PRKCQ: variants seen among roughly 807,000 people sequenced by gnomAD.
The protein encoded by PRKCQ is protein kinase C theta type.
In PRKCQ, 41 loss-of-function variants were observed where a neutral mutation model predicts 91.2. The ratio of observed to expected loss-of-function variants is 0.45; its 90% CI spans 0.35 to 0.58. The LOEUF (loss-of-function observed/expected upper bound fraction) is 0.58. Ranked by LOEUF, PRKCQ falls within the 20% of genes least tolerant of loss-of-function variation. The pLI is 0.00. For missense variants in PRKCQ, 673 were observed against 896.5 expected (o/e 0.75, Z 3.18); for synonymous variants, 307 against 316.9 (o/e 0.97, Z 0.33).
upstream of PRKCQ, chr10:6,580,488 CT>C (rs1841441422): frequency 1.3e-5 from 2 of 152,392 alleles, no homozygotes; most frequent in African/African-American, 2.4e-5. Context: ...GCTCCCGCCC[CT>C]GGCCTCCTTA....
chr10:6,415,486 G>C, the PRKCQ span, among the ~76,000 whole-genome samples: 2 of 138,278 alleles, frequency 1.4e-5, no homozygotes, highest in African/African-American at 5.6e-5. Context: ...GGAAATTTCA[G>C]CTCATTCATG....
intron 1 of PRKCQ, among the ~76,000 whole-genome samples, chr10:6,558,977 G>A (rs995310739): frequency 2.8e-4 from 43 of 152,324 alleles, no homozygotes; most frequent in African/African-American, 7.7e-4. Context: ...ATGTGCTGCC[G>A]TTAAAAGCAG....
chr10:6,408,046 GTTTTTTT>G, the PRKCQ span, among the ~76,000 whole-genome samples: 25 of 84,226 alleles, frequency 3.0e-4, no homozygotes, highest in African/African-American at 1.3e-3. Context: ...TCTTGTGTCA[GTTTTTTT>G]TTTTTTTTTT....
chr10:6,545,577 G>T (rs1422654450), intron 1 of PRKCQ, among the ~76,000 whole-genome samples: 1 of 152,202 alleles, frequency 6.6e-6, no homozygotes, highest in African/African-American at 2.4e-5. Context: ...TGGCTCCCGG[G>T]AACTTGGAAG....
At chr10:6,405,926 C>T in the PRKCQ span, among the ~76,000 whole-genome samples, 1 of 152,352 alleles carries the variant, frequency 6.6e-6, no homozygotes, top group Admixed American at 6.5e-5. Context: ...CTGGGAGACC[C>T]TCAGTGGGAA....
rs781629979 is a variant in PRKCQ at position 6,498,407 on chromosome 10, G to A, written c.531C>T (p.His177=). ...FPQPTFCSVC[H]EFVWGLNKQG... is the part of the protein sequence containing the mutation. ...CCAAGTTACTGTACCAGACAAACTC[G>A]TGGCAGACAGAGCAAAATGTGGGCT... The change falls in exon 5 of 18, where the codon CAC becomes CAT. Residue 177 remains histidine (H), a synonymous_variant. Transcript: ENST00000263125. The A allele has an allele frequency of 1.4e-5, 22 of 1,613,996 alleles. No individual in the cohort carries two copies. Among genetic ancestry groups the A allele is most frequent in the African/African-American group, 2.7e-5 (2 of 74,916 alleles).
At position 6,576,143 on chromosome 10, in the gene PRKCQ, T is replaced by C. The variant is rs894669988; in HGVS notation, c.-10+4068A>G. On this transcript the variant is annotated intron_variant, in intron 1 of 17. Transcript: ENST00000263125. This position sits in a 1 kb window ranked among gnomAD's most constrained non-coding sequence, Gnocchi z 4.2. Reference sequence around the variant, plus strand: ...ACGGTCCAGCCACTGTGGAAAACAATATGGCAGTTCCTCAAAAAATTAAAC... The same window carrying C: ...ACGGTCCAGCCACTGTGGAAAACAACATGGCAGTTCCTCAAAAAATTAAAC... Among the ~76,000 whole-genome samples the C allele has an allele frequency of 5.9e-5, 9 of 152,106 alleles. No homozygotes were observed. Among genetic ancestry groups the C allele is most frequent in the Non-Finnish European group, 1.2e-4 (8 of 68,006 alleles).
intron 1 of PRKCQ, among the ~76,000 whole-genome samples, chr10:6,546,329 A>G (rs1183937315): frequency 6.6e-6 from 1 of 152,232 alleles, no homozygotes; most frequent in Non-Finnish European, 1.5e-5. Flanking sequence ...CACTCCACAC[A>G]CCATCCAGGT....
In PRKCQ at chr10:6,465,665, G is replaced by T. The variant is rs1024161959; in HGVS notation, c.1354-1261C>A. 2.0e-5 allele frequency among the ~76,000 whole-genome samples: 3 copies of T among 152,196 alleles called. No individual in the cohort carries two copies. The highest frequency in any genetic ancestry group is 7.2e-5 in the African/African-American group (3 of 41,442). On this transcript the variant is annotated intron_variant, in intron 12 of 17. Coordinates refer to ENST00000263125, the MANE Select transcript of PRKCQ (RefSeq NM_006257.5). This position sits in a 1 kb window ranked among gnomAD's most constrained non-coding sequence, Gnocchi z 4.4. Reference sequence around the variant, plus strand: ...ACGTTTTGATGTGAACCCAACCGAGGCCGTGGGGCATAGGAGGTAATAGTA... The same window carrying T: ...ACGTTTTGATGTGAACCCAACCGAGTCCGTGGGGCATAGGAGGTAATAGTA...
chr10:6,447,167 G>C (rs1205997405), intron 15 of PRKCQ, among the ~76,000 whole-genome samples: 2 of 152,166 alleles, frequency 1.3e-5, no homozygotes, highest in South Asian at 2.1e-4. Flanking sequence ...CCAGCACTTT[G>C]GGAGGCCAAG....
chr10:6,514,983 C>T (rs547974179), intron 2 of PRKCQ, 35 bp downstream of exon 2: 12 of 1,611,840 alleles, frequency 7.4e-6, no homozygotes, highest in Middle Eastern at 2.2e-4. Context: ...GATTCTCCTC[C>T]TCCTCCCCCG....
the PRKCQ span, among the ~76,000 whole-genome samples, chr10:6,413,551 A>C: frequency 1.2e-5 from 1 of 83,130 alleles, no homozygotes; most frequent in Non-Finnish European, 2.6e-5. Context: ...ACACACACAC[A>C]CACACACTAG....
the PRKCQ span, among the ~76,000 whole-genome samples, chr10:6,407,876 T>C: frequency 6.6e-6 from 1 of 152,134 alleles, no homozygotes; most frequent in Non-Finnish European, 1.5e-5. The surrounding 1 kb of genome is among the most constrained non-coding windows in gnomAD (Gnocchi z 4.0). Context: ...AAAATCCTTA[T>C]GTGTATTTGT....
intron 1 of PRKCQ, among the ~76,000 whole-genome samples, chr10:6,555,882 G>A (rs1840391935): frequency 6.6e-6 from 1 of 152,080 alleles, no homozygotes; most frequent in African/African-American, 2.4e-5. Context: ...GGTGGTGGAT[G>A]CCTGTAATCT....
chr10:6,468,810 T>C (rs1835818444), intron 12 of PRKCQ, among the ~76,000 whole-genome samples: 1 of 152,230 alleles, frequency 6.6e-6, no homozygotes, highest in Non-Finnish European at 1.5e-5. Context: ...ACGTAACAAA[T>C]GTTACAACAG....
chr10:6,570,979 T>A lies in PRKCQ; in HGVS notation c.-10+9232A>T, dbSNP rs1228566311. ...GTTCTGAATCGGGAAACTTGTACTT[T>A]CTCAGGGAAGCAGGAGGCAAGACAG... is the stretch of plus-strand genomic sequence containing the variant. On this transcript the variant is annotated intron_variant, in intron 1 of 17. Coordinates refer to ENST00000263125, the MANE Select transcript of PRKCQ (RefSeq NM_006257.5). 2.0e-5 allele frequency among the ~76,000 whole-genome samples: 3 copies of A among 152,026 alleles called. No individual in the cohort carries two copies. The East Asian group carries it at 5.8e-4, about 29-fold the overall frequency.
intron 1 of PRKCQ, among the ~76,000 whole-genome samples, chr10:6,534,424 T>G: frequency 6.6e-6 from 1 of 152,196 alleles, no homozygotes; most frequent in Non-Finnish European, 1.5e-5. Flanking sequence ...GGGAAAATTT[T>G]GTAATATACA....
intron 12 of PRKCQ, among the ~76,000 whole-genome samples, chr10:6,475,129 A>G (rs910716094): frequency 3.9e-5 from 6 of 152,326 alleles, no homozygotes; most frequent in African/African-American, 1.2e-4. Flanking sequence ...GATCTAGCAC[A>G]CAGAAAATTC....
chr10:6,413,245 C>T, the PRKCQ span, among the ~76,000 whole-genome samples: 1 of 152,160 alleles, frequency 6.6e-6, no homozygotes, highest in South Asian at 2.1e-4. Context: ...AGCCACTCTG[C>T]CCGGCCTTAA....
Sources: gnomAD v4.1 joint callset for allele counts (sites outside exome capture counted in the v4.1 genomes callset) on GRCh38, gnomAD v4.1.1 for gene constraint, Gnocchi (gnomAD v3.1) non-coding constraint, MANE v1.5 for transcripts, NCBI Gene and HGNC (gene_info 2026-07-23, HGNC 2026-07-21) for gene names.